Variants in FHAD1 observed in about 807,000 individuals in gnomAD.
FHAD1 encodes forkhead associated phosphopeptide binding domain 1, also known as forkhead-associated domain-containing protein 1.
In FHAD1, 146 loss-of-function variants were observed where a neutral mutation model predicts 191.3. That is an observed-to-expected ratio of 0.76 (90% CI 0.67 to 0.88). FHAD1 has a LOEUF of 0.88. FHAD1 is among the 40% of genes least tolerant of loss of function. FHAD1 has a pLI of 0.00. For synonymous variants in FHAD1, 616 were observed against 672.3 expected, an observed-to-expected ratio of 0.92 and a Z score of 1.29; for missense variants, 1,635 against 1,785.8, an observed-to-expected ratio of 0.92 and a Z score of 1.52.
At chr1:15,281,922 C>A (rs12725686) in intron 3 of FHAD1, among the ~76,000 whole-genome samples, 2 of 152,120 alleles carry the variant, frequency 1.3e-5, no homozygotes, top group Non-Finnish European at 2.9e-5. Context: ...GTATCTATAT[C>A]AGTACGGACT....
At chr1:15,398,758 C>A (rs1383327957), downstream of FHAD1, among the ~76,000 whole-genome samples, 2 of 149,498 alleles carry the variant, frequency 1.3e-5, no homozygotes, top group East Asian at 3.9e-4. Flanking sequence ...CGTGCCCTCA[C>A]TGCCATTCTT....
chr1:15,397,379 GC>G lies in FHAD1; in HGVS notation c.4408del (p.Leu1470PhefsTer24), dbSNP rs1220838767. ...GAGACCTCCAGCAAGTCCAGCCAGA[GC>G]CTTTTGCATTCTAAGCCCAGTGGAA... ...RKETSSKSSQ[S>X]LLHSKPSGKY On this transcript the variant is annotated frameshift_variant, in exon 34 of 34. Coordinates refer to ENST00000688493, the MANE Select transcript of FHAD1 (RefSeq NM_001391957.1). LOFTEE classifies it high-confidence loss of function. The G allele has an allele frequency of 3.2e-6, 5 of 1,545,134 alleles. No individual in the cohort carries two copies. The highest frequency in any genetic ancestry group is 4.4e-6 in the Non-Finnish European group (5 of 1,142,580).
chr1:15,357,183 C>G (rs1233058467), intron 20 of FHAD1, among the ~76,000 whole-genome samples: 1 of 152,158 alleles, frequency 6.6e-6, no homozygotes, highest in Admixed American at 6.5e-5. Flanking sequence ...GCACCTCCAC[C>G]AACAGAGTTT....
chr1:15,395,807 A>C (rs1193250474), intron 33 of FHAD1, among the ~76,000 whole-genome samples: 4 of 150,684 alleles, frequency 2.7e-5, no homozygotes, highest in African/African-American at 1.0e-4. Context: ...TTTTTTTTTT[A>C]GCTCATCAGC....
chr1:15,246,866 TG>T (rs1646103856), upstream of FHAD1, among the ~76,000 whole-genome samples: 1 of 152,092 alleles, frequency 6.6e-6, no homozygotes, highest in African/African-American at 2.4e-5. Context: ...ACTAGAGATT[TG>T]GGTAGGGCAG....
At chr1:15,273,320 C>T (rs1277975166) in intron 3 of FHAD1, among the ~76,000 whole-genome samples, 1 of 151,902 alleles carries the variant, frequency 6.6e-6, no homozygotes, top group Non-Finnish European at 1.5e-5. Flanking sequence ...AACTATGCTG[C>T]TTTTTTTTAA....
chr1:15,281,692 C>T (rs904358314), intron 3 of FHAD1, among the ~76,000 whole-genome samples: 3 of 139,118 alleles, frequency 2.2e-5, no homozygotes, highest in East Asian at 2.1e-4. Flanking sequence ...ACCCAGGAGA[C>T]GGAGGTTGCA....
In FHAD1 at chr1:15,388,114, A is replaced by C; in HGVS notation, c.4252A>C (p.Lys1418Gln). Reference protein sequence around the residue: ...KESTPCNCAFKEKDRQRRVFV... With the variant: ...KESTPCNCAFQEKDRQRRVFV... ...ATCGACACCTTGCAACTGTGCCTTC[A>C]AAGAGAAAGACAGGCAGGTATGGGA... The change falls in exon 32 of 34, where the codon AAA becomes CAA. Residue 1418 changes from lysine to glutamine, a missense_variant. Lys to Gln is a moderately conservative substitution (Grantham distance 53). Transcript: ENST00000688493. 1 of 1,289,784 alleles carries C rather than the reference A, an allele frequency of 7.8e-7. No individual in the cohort carries two copies. The allele number at this position is 1,289,784 out of a possible 1,614,324, so 79.9% of individuals were successfully genotyped here.
At chr1:15,315,364 A>G (rs1674032100) in intron 8 of FHAD1, 1 of 152,124 alleles carries the variant, frequency 6.6e-6, no homozygotes, top group Admixed American at 6.5e-5. Flanking sequence ...TAAACTTTAA[A>G]CAATTACTGT....
chr1:15,388,287 C>T (rs1702723975), intron 32 of FHAD1, 156 bp downstream of exon 32: 1 of 321,406 alleles, frequency 3.1e-6, no homozygotes, highest in African/African-American at 2.3e-5. Context: ...CTCGTCCCTC[C>T]CTCCCTCCTT....
At chr1:15,374,969 C>A (rs890230661) in intron 27 of FHAD1, among the ~76,000 whole-genome samples, 2 of 151,432 alleles carry the variant, frequency 1.3e-5, no homozygotes, top group African/African-American at 4.9e-5. Context: ...AGTGATTGTC[C>A]TGCCTCAGCC....
intron 16 of FHAD1, among the ~76,000 whole-genome samples, chr1:15,344,170 C>G (rs1242485675): frequency 6.6e-6 from 1 of 152,204 alleles, no homozygotes; most frequent in Non-Finnish European, 1.5e-5. Context: ...ACCCTGGGGA[C>G]TCCTTGGAAA....
intron 31 of FHAD1, chr1:15,383,389 A>G: frequency 2.5e-6 from 1 of 394,278 alleles, no homozygotes; most frequent in African/African-American, 2.1e-5. Flanking sequence ...TGACCCATGC[A>G]GGTGGTCTCC....
At chr1:15,247,040 C>G (rs957815260), upstream of FHAD1, among the ~76,000 whole-genome samples, 1 of 152,332 alleles carries the variant, frequency 6.6e-6, no homozygotes, top group African/African-American at 2.4e-5. Flanking sequence ...GCTGTAAAAC[C>G]TTGGGCCATT....
At chr1:15,348,967 TATTATC>T in intron 18 of FHAD1, 69 bp from the exon 19 acceptor site, 1 of 900,480 alleles carries the variant, frequency 1.1e-6, no homozygotes, top group Non-Finnish European at 1.7e-6. Flanking sequence ...TTATTATTAT[TATTATC>T]ATTATCATTA....
chr1:15,252,592 C>T (rs779752654), intron 2 of FHAD1, among the ~76,000 whole-genome samples: 2 of 152,226 alleles, frequency 1.3e-5, no homozygotes, highest in Non-Finnish European at 2.9e-5. Context: ...TCCTACCTCA[C>T]ACCTGTGGTC....
intron 17 of FHAD1, 22 bp from the exon 18 acceptor site, chr1:15,345,394 T>C: frequency 6.5e-7 from 1 of 1,547,700 alleles, no homozygotes; most frequent in Non-Finnish European, 8.7e-7. Flanking sequence ...CCATGTCTAT[T>C]GAACAATGAT....
At chr1:15,265,128 G>C (rs1652844924) in intron 2 of FHAD1, among the ~76,000 whole-genome samples, 1 of 152,142 alleles carries the variant, frequency 6.6e-6, no homozygotes, top group African/African-American at 2.4e-5. Flanking sequence ...TTGGTCTGTA[G>C]TTTTCTTATA....
At chr1:15,372,614 T>C (rs1698440133) in intron 26 of FHAD1, among the ~76,000 whole-genome samples, 1 of 152,230 alleles carries the variant, frequency 6.6e-6, no homozygotes, top group Non-Finnish European at 1.5e-5. Flanking sequence ...AATAGATAGA[T>C]GGATAGGCAA....
Sources: gnomAD v4.1 joint callset for allele counts (sites outside exome capture counted in the v4.1 genomes callset) on GRCh38, gnomAD v4.1.1 for gene constraint, MANE v1.5 for transcripts, NCBI Gene and HGNC (gene_info 2026-07-23, HGNC 2026-07-21) for gene names.